The following MICAL3 variants were observed in gnomAD, a reference collection of about 807,000 sequenced individuals.
MICAL3 encodes the protein [F-actin]-monooxygenase MICAL3.
A neutral mutation model predicts 207.4 loss-of-function variants in MICAL3; 62 were observed. The ratio of observed to expected loss-of-function variants is 0.30; its 90% CI spans 0.24 to 0.37. The LOEUF is 0.37. MICAL3 is among the 10% of genes least tolerant of loss of function. The probability of loss-of-function intolerance (pLI) is 1.00; values close to 1 mark genes in which losing one functional copy is unlikely to be tolerated. For synonymous variants in MICAL3, 1,077 were observed against 1,069.3 expected (o/e 1.01, Z -0.14); for missense variants, 2,368 against 2,635.6 (o/e 0.90, Z 2.22).
intron 1 of MICAL3, among the ~76,000 whole-genome samples, chr22:17,915,330 C>T (rs1476184443): frequency 6.6e-6 from 1 of 152,204 alleles, no homozygotes; most frequent in Non-Finnish European, 1.5e-5. Flanking sequence ...CTTGGGCAGA[C>T]CCAGGAAGCT....
intron 1 of MICAL3, among the ~76,000 whole-genome samples, chr22:18,013,636 T>C (rs984845166): frequency 2.0e-4 from 31 of 152,146 alleles, no homozygotes; most frequent in African/African-American, 7.2e-4. Flanking sequence ...AGGTGACGCA[T>C]AGGAAAGCAC....
intron 20 of MICAL3, among the ~76,000 whole-genome samples, chr22:17,835,774 C>A (rs146349388): frequency 1.3e-5 from 2 of 152,224 alleles, no homozygotes; most frequent in Admixed American, 1.3e-4. Context: ...CTGGTGACAA[C>A]GCACTGTCCT....
At chr22:17,791,139 G>A in intron 30 of MICAL3, 63 bp downstream of exon 30, 1 of 1,604,882 alleles carries the variant, frequency 6.2e-7, no homozygotes, top group Non-Finnish European at 8.5e-7. Context: ...CCCAAATCTG[G>A]AAGGACCTCC....
Position 17,812,792 on chromosome 22 carries a change from C to T in MICAL3, c.5446-1979G>A, listed in dbSNP as rs139538208. 9.0e-3 allele frequency: 1,368 copies of T among 152,572 alleles called. 11 individuals are homozygous for T. Among genetic ancestry groups the T allele is most frequent in the Middle Eastern group, 0.041 (12 of 294 alleles). 9.5% of individuals were successfully genotyped at this position (152,572 alleles called of 1,614,324 possible). ...GAGTGGACCTGGTTTTGAATACGGC[C>T]GGGGTTCACTCTTTTATTGGGAAGA... On this transcript the variant is annotated intron_variant, in intron 27 of 31. Transcript: ENST00000441493.
intron 1 of MICAL3, among the ~76,000 whole-genome samples, chr22:17,957,582 G>A (rs1463285516): frequency 6.6e-6 from 1 of 151,882 alleles, no homozygotes; most frequent in Non-Finnish European, 1.5e-5. Flanking sequence ...ATGGTCGCGT[G>A]CGCCTGTAAT....
At chr22:17,947,984 A>AC (rs11405589) in intron 1 of MICAL3, among the ~76,000 whole-genome samples, 2 of 151,798 alleles carry the variant, frequency 1.3e-5, no homozygotes, top group Non-Finnish European at 2.9e-5. Flanking sequence ...AAAAAAAAAA[A>AC]CCCACAAAAC....
chr22:17,979,660 G>A (rs529476389), intron 1 of MICAL3, among the ~76,000 whole-genome samples: 74 of 152,184 alleles, frequency 4.9e-4, no homozygotes, highest in African/African-American at 1.7e-3. Context: ...TCCCAGCCTA[G>A]AGGAAACAGA....
chr22:17,834,078 G>A (rs892566474), intron 20 of MICAL3, among the ~76,000 whole-genome samples: 4 of 152,144 alleles, frequency 2.6e-5, no homozygotes, highest in East Asian at 1.9e-4. Context: ...TCCGGAATTC[G>A]CCACTGGGGT....
chr22:17,829,780 G>C (rs775940751), intron 21 of MICAL3, among the ~76,000 whole-genome samples: 47 of 152,224 alleles, frequency 3.1e-4, no homozygotes, highest in Non-Finnish European at 8.8e-5. Context: ...CTGGAGATGA[G>C]CTTGCAGTAA....
chr22:17,821,416 C>A lies in MICAL3; in HGVS notation c.3531+11G>T, dbSNP rs951411398. ...GTTCTCTGTACCCCACAGCGAGCCC[C>A]AAACCCTTACCTCTGTTGAGGGGCT... On this transcript the variant is annotated intron_variant, in intron 25 of 31. Transcript: ENST00000441493. The A allele has an allele frequency of 5.8e-6, 9 of 1,540,650 alleles. No homozygotes were observed. The African/African-American group carries it at 1.3e-4, about 21-fold the overall frequency.
chr22:17,822,231 C>T, intron 23 of MICAL3, 61 bp from the exon 24 acceptor site: 1 of 1,562,650 alleles, frequency 6.4e-7, no homozygotes, highest in Non-Finnish European at 8.7e-7. Context: ...TCCTTTTCCA[C>T]CTGAGAGCAG....
chr22:17,833,178 C>A (rs1285386583), intron 20 of MICAL3, among the ~76,000 whole-genome samples: 1 of 152,262 alleles, frequency 6.6e-6, no homozygotes, highest in Non-Finnish European at 1.5e-5. Context: ...AGGACAGGAA[C>A]AAAACCGGGT....
At chr22:17,862,256 TTTC>T (rs980982927) in intron 19 of MICAL3, 24 of 985,140 alleles carry the variant, frequency 2.4e-5, no homozygotes, top group South Asian at 9.4e-5. Context: ...AGCTTTCCCT[TTTC>T]TTCTTTTTTT....
intron 1 of MICAL3, among the ~76,000 whole-genome samples, chr22:17,942,014 A>T (rs1448255454): frequency 6.6e-6 from 1 of 151,794 alleles, no homozygotes; most frequent in African/African-American, 2.4e-5. Flanking sequence ...AATTCCTCCG[A>T]CCCCTAGCCT....
At chr22:17,860,350 A>G (rs562769123) in intron 19 of MICAL3, 3 of 985,332 alleles carry the variant, frequency 3.0e-6, no homozygotes, top group Admixed American at 6.1e-5. Flanking sequence ...GGAAGTGGAG[A>G]GAAGGCGGGC....
intron 21 of MICAL3, among the ~76,000 whole-genome samples, chr22:17,828,638 G>C (rs1383134202): frequency 6.6e-6 from 1 of 152,202 alleles, no homozygotes; most frequent in African/African-American, 2.4e-5. Context: ...TATCACCTCT[G>C]GAAACAAGGC....
rs1224931996 is a variant in MICAL3 at position 17,900,453 on chromosome 22, T to C, written c.847+389A>G. ...CCGTCTCTACAAGTAATACGAAAAA[T>C]TAGCCAGGCATGGTGGAGCTTGCCT... is the stretch of plus-strand genomic sequence containing the variant. On this transcript the variant is annotated intron_variant, in intron 6 of 31. Coordinates refer to ENST00000441493, the MANE Select transcript of MICAL3 (RefSeq NM_015241.3). The surrounding 1 kb of genome is among the most constrained non-coding windows in gnomAD (Gnocchi z 4.0). Among the ~76,000 whole-genome samples the C allele has an allele frequency of 6.6e-6, 1 of 151,820 alleles. No homozygotes were observed. The highest frequency in any genetic ancestry group is 2.4e-5 in the African/African-American group (1 of 41,304).
intron 1 of MICAL3, among the ~76,000 whole-genome samples, chr22:17,988,599 C>G (rs1039774047): frequency 6.6e-6 from 1 of 152,184 alleles, no homozygotes; most frequent in Non-Finnish European, 1.5e-5. Context: ...GGACTACAGG[C>G]GCCTGCAACC....
Position 17,906,868 on chromosome 22 carries a change from C to T in MICAL3, c.-56G>A. 1 of 1,482,566 alleles carries T rather than the reference C, an allele frequency of 6.7e-7. No homozygotes were observed. The highest frequency in any genetic ancestry group is 9.1e-7 in the Non-Finnish European group (1 of 1,101,612). 91.8% of individuals were successfully genotyped at this position (1,482,566 alleles called of 1,614,324 possible). A position where few individuals can be genotyped will look rare whatever the true frequency, so the allele number is the denominator to read the frequency against. ...GGAGGTGGGATGGCTGTGGGTCCACCTGACACTGTCACGTTAATCTGACAA... is the reference window on the plus strand; with the variant it reads ...GGAGGTGGGATGGCTGTGGGTCCACTTGACACTGTCACGTTAATCTGACAA... On this transcript the variant is annotated 5_prime_UTR_variant, in exon 2 of 32. Coordinates refer to ENST00000441493, the MANE Select transcript of MICAL3 (RefSeq NM_015241.3).
Sources: allele counts gnomAD v4.1 joint callset (sites outside exome capture counted in the v4.1 genomes callset), GRCh38; gene constraint gnomAD v4.1.1; non-coding constraint Gnocchi (gnomAD v3.1); transcripts MANE v1.5; gene names NCBI Gene and HGNC (gene_info 2026-07-23, HGNC 2026-07-21).